SHPRH: variants seen among roughly 807,000 people sequenced by gnomAD.
SHPRH encodes SNF2 histone linker PHD RING helicase.
In SHPRH, 106 loss-of-function variants were observed where a neutral mutation model predicts 202.5. The observed-to-expected ratio is 0.52, with a 90% CI of 0.45 to 0.62. The LOEUF is 0.62. Ranked by LOEUF, SHPRH falls within the 20% of genes least tolerant of loss-of-function variation. The pLI is 0.00. For missense variants in SHPRH, 1,710 were observed against 2,020.0 expected (o/e 0.85, Z 2.94); for synonymous variants, 729 against 686.0 (o/e 1.06, Z -0.98).
chr6:145,899,491 C>G (rs1020806376), intron 25 of SHPRH, among the ~76,000 whole-genome samples: 28 of 151,982 alleles, frequency 1.8e-4, no homozygotes, highest in African/African-American at 6.8e-4. Flanking sequence ...TATCCACATG[C>G]AAAAGAATAA....
At chr6:145,928,387 TACCAAAAAAAGG>T (rs1785091582) in intron 14 of SHPRH, among the ~76,000 whole-genome samples, 1 of 150,062 alleles carries the variant, frequency 6.7e-6, no homozygotes, top group Non-Finnish European at 1.5e-5. Context: ...ATGCAATCCA[TACCAAAAAAAGG>T]TACAAGATGT....
chr6:145,904,317 G>A (rs1043503677), intron 25 of SHPRH: 4 of 151,896 alleles, frequency 2.6e-5, no homozygotes, highest in African/African-American at 9.7e-5. Context: ...AGTATTGCTT[G>A]TTAAAGAACA....
At chr6:145,960,383 T>C (rs1788966635) in intron 1 of SHPRH, among the ~76,000 whole-genome samples, 1 of 152,040 alleles carries the variant, frequency 6.6e-6, no homozygotes, top group East Asian at 1.9e-4. Context: ...GCAAAGAGCA[T>C]GGATATGGGG....
In SHPRH at chr6:145,922,896, C is replaced by T. The variant is rs915644651; in HGVS notation, c.3546-60G>A. ...GAAAAGAATAATAGGTCAATTTCCTCAAATTCAGAGAATGGTTGCCAAACA... is the reference window on the plus strand; with the variant it reads ...GAAAAGAATAATAGGTCAATTTCCTTAAATTCAGAGAATGGTTGCCAAACA... On this transcript the variant is annotated intron_variant, in intron 18 of 29. Coordinates refer to ENST00000275233, the MANE Select transcript of SHPRH (RefSeq NM_001042683.3). 34 of 1,442,910 alleles carry T rather than the reference C, an allele frequency of 2.4e-5. 1 individual carries two copies. In the Middle Eastern group the frequency reaches 5.5e-4, roughly 23 times the overall value. 89.4% of individuals were successfully genotyped at this position (1,442,910 alleles called of 1,614,324 possible).
intron 2 of SHPRH, among the ~76,000 whole-genome samples, chr6:145,953,597 G>T (rs1788199295): frequency 6.6e-6 from 1 of 151,952 alleles, no homozygotes; most frequent in Non-Finnish European, 1.5e-5. Context: ...TATAACTAAG[G>T]TTATCGATGC....
At chr6:145,868,758 A>G (rs1042035536) in intron 2 of SHPRH, among the ~76,000 whole-genome samples, 1 of 152,246 alleles carries the variant, frequency 6.6e-6, no homozygotes, top group Non-Finnish European at 1.5e-5. Flanking sequence ...TTGCAATATA[A>G]CAAAGAAGTC....
intron 4 of SHPRH, 122 bp downstream of exon 4, chr6:145,950,142 G>A (rs1301484202): frequency 1.5e-6 from 1 of 664,784 alleles, no homozygotes; most frequent in Non-Finnish European, 2.4e-6. Flanking sequence ...ATAATTTTAT[G>A]GCACCCATTC....
At chr6:145,889,755 A>G (rs1781425771) in intron 28 of SHPRH, among the ~76,000 whole-genome samples, 2 of 152,202 alleles carry the variant, frequency 1.3e-5, no homozygotes, top group African/African-American at 4.8e-5. Context: ...ATTTCAGTTA[A>G]GGGATGCTCA....
rs1333840757 is a variant in SHPRH at position 145,945,526 on chromosome 6, C to T, written c.1433G>A (p.Arg478Gln). The change falls in exon 8 of 30, where the codon CGG (arginine) becomes CAG (glutamine). Residue 478 changes from arginine to glutamine, a missense_variant. Physicochemically the swap from Arg to Gln is conservative, Grantham distance 43. Coordinates refer to ENST00000275233, the MANE Select transcript of SHPRH (RefSeq NM_001042683.3). Reference sequence around the variant, plus strand: ...CATCCGTTTCAAAAGACTCCTGTTCCGTTGAACATCGTATCTATATATAGA... The same window carrying T: ...CATCCGTTTCAAAAGACTCCTGTTCTGTTGAACATCGTATCTATATATAGA... ...VSSIYRYDVQ[R>Q]NRSLLKRMLK... The T allele has an allele frequency of 6.8e-6, 11 of 1,613,182 alleles. No homozygotes were observed. Among genetic ancestry groups the T allele is most frequent in the Middle Eastern group, 3.3e-4 (2 of 6,052 alleles).
At chr6:145,875,378 A>G (rs1780254783) in intron 2 of SHPRH, among the ~76,000 whole-genome samples, 1 of 152,204 alleles carries the variant, frequency 6.6e-6, no homozygotes, top group Admixed American at 6.5e-5. Flanking sequence ...CCAAAATGTC[A>G]ATCACTAGTG....
chr6:145,951,557 A>G (rs1787980707), intron 3 of SHPRH, among the ~76,000 whole-genome samples: 1 of 152,090 alleles, frequency 6.6e-6, no homozygotes, highest in South Asian at 2.1e-4. Flanking sequence ...TAATATTTTT[A>G]AAAGGCCATA....
At chr6:145,952,920 A>C (rs1334841324) in intron 2 of SHPRH, among the ~76,000 whole-genome samples, 1 of 152,116 alleles carries the variant, frequency 6.6e-6, no homozygotes, top group Non-Finnish European at 1.5e-5. Flanking sequence ...GTGTAAAAAA[A>C]CAGACCTTGA....
In SHPRH at chr6:145,945,597, A is replaced by G. The variant is rs745648871; in HGVS notation, c.1362T>C (p.Asn454=). 6 of 1,612,284 alleles carry G rather than the reference A, an allele frequency of 3.7e-6. No homozygotes were observed. The highest frequency in any genetic ancestry group is 5.1e-6 in the Non-Finnish European group (6 of 1,179,360). ...VMILTAVKEM[N]GKKGVSILSI... Reference sequence around the variant, plus strand: ...AAAGGATGGACACTCCTTTTTTTCCATTCATTTCTTTCACAGCTGTCAGTA... The same window carrying G: ...AAAGGATGGACACTCCTTTTTTTCCGTTCATTTCTTTCACAGCTGTCAGTA... Residue 454 remains asparagine (N), a synonymous_variant, in exon 8 of 30, where the codon AAT becomes AAC. Coordinates refer to ENST00000275233, the MANE Select transcript of SHPRH (RefSeq NM_001042683.3).
At chr6:145,886,935 A>G in intron 29 of SHPRH, 148 bp from the exon 30 acceptor site, 1 of 734,308 alleles carries the variant, frequency 1.4e-6, no homozygotes, top group Non-Finnish European at 2.1e-6. Flanking sequence ...AAGTGATAAA[A>G]TCTTTGTTAT....
intron 25 of SHPRH, chr6:145,908,286 G>C (rs1163348357): frequency 6.6e-6 from 1 of 152,084 alleles, no homozygotes; most frequent in Non-Finnish European, 1.5e-5. Flanking sequence ...ATGCAGTAAT[G>C]GGATTGCTGG....
At chr6:145,919,638 T>A in intron 21 of SHPRH, 147 bp from the exon 22 acceptor site, 1 of 838,868 alleles carries the variant, frequency 1.2e-6, no homozygotes, top group Non-Finnish European at 1.7e-6. Context: ...CCTGGGGTCA[T>A]TTTTAGGATG....
intron 7 of SHPRH, 78 bp downstream of exon 7, chr6:145,946,155 A>C: frequency 1.0e-6 from 1 of 1,004,512 alleles, no homozygotes; most frequent in East Asian, 2.7e-5. Flanking sequence ...AACAATTACA[A>C]GATATCTCTA....
At chr6:145,906,357 T>G (rs955387131) in intron 25 of SHPRH, 3 of 152,180 alleles carry the variant, frequency 2.0e-5, no homozygotes, top group African/African-American at 7.2e-5. Flanking sequence ...CCACCTCACT[T>G]GAGTCACCTA....
chr6:145,923,374 T>C (rs980910473), intron 18 of SHPRH, among the ~76,000 whole-genome samples: 12 of 151,912 alleles, frequency 7.9e-5, no homozygotes, highest in East Asian at 1.9e-4. Flanking sequence ...TAGTTACTAA[T>C]GTGCTCACAT....
Sources: gnomAD v4.1 joint callset for allele counts (sites outside exome capture counted in the v4.1 genomes callset) on GRCh38, gnomAD v4.1.1 for gene constraint, MANE v1.5 for transcripts, NCBI Gene and HGNC (gene_info 2026-07-23, HGNC 2026-07-21) for gene names.